Variants in WDR72 observed in about 807,000 individuals in gnomAD.
WDR72 encodes the protein WD repeat-containing protein 72.
WDR72 carries 120 observed loss-of-function variants against 124.2 expected under a neutral mutation model. The ratio of observed to expected loss-of-function variants is 0.97; its 90% CI spans 0.83 to 1.12. The LOEUF is 1.12. WDR72 is among the 50% of genes most tolerant of loss of function. The probability of loss-of-function intolerance (pLI) is 0.00; values close to 1 mark genes in which losing one functional copy is unlikely to be tolerated. For synonymous variants in WDR72, 452 were observed against 441.7 expected (o/e 1.02, Z -0.29); for missense variants, 1,387 against 1,278.8 (o/e 1.08, Z -1.29).
intron 13 of WDR72, among the ~76,000 whole-genome samples, chr15:53,698,750 T>C (rs2017080988): frequency 6.6e-6 from 1 of 152,190 alleles, no homozygotes; most frequent in African/African-American, 2.4e-5. Context: ...CACCACTTAT[T>C]AGTTGTACAG....
chr15:53,593,735 C>G (rs1358456858), intron 18 of WDR72, among the ~76,000 whole-genome samples: 1 of 151,208 alleles, frequency 6.6e-6, no homozygotes, highest in Non-Finnish European at 1.5e-5. Context: ...GCACTCTAGC[C>G]TGGGTGACAG....
At chr15:53,606,981 T>A (rs2013313628) in intron 17 of WDR72, among the ~76,000 whole-genome samples, 1 of 152,234 alleles carries the variant, frequency 6.6e-6, no homozygotes, top group African/African-American at 2.4e-5. Flanking sequence ...ACGAGTTAAC[T>A]TTGTTTCCCT....
intron 18 of WDR72, among the ~76,000 whole-genome samples, chr15:53,585,589 CGTCT>C (rs1186316203): frequency 2.0e-5 from 3 of 151,954 alleles, no homozygotes; most frequent in African/African-American, 7.2e-5. Flanking sequence ...ATTTGTCTAC[CGTCT>C]GTCTATTTCA....
intron 18 of WDR72, among the ~76,000 whole-genome samples, chr15:53,526,956 C>T (rs747298038): frequency 6.6e-6 from 1 of 152,008 alleles, no homozygotes; most frequent in African/African-American, 2.4e-5. Context: ...AAAATATTGA[C>T]GACTGAAGGG....
At chr15:53,660,421 C>T (rs1196720246) in intron 14 of WDR72, among the ~76,000 whole-genome samples, 1 of 151,962 alleles carries the variant, frequency 6.6e-6, no homozygotes, top group African/African-American at 2.4e-5. Context: ...AAAGAACTAA[C>T]TTTCATTCTC....
chr15:53,559,193 T>C (rs986955404), intron 18 of WDR72, among the ~76,000 whole-genome samples: 3 of 151,798 alleles, frequency 2.0e-5, no homozygotes, highest in African/African-American at 7.3e-5. Context: ...TTGGGAAACA[T>C]GGATTTTGCT....
intron 1 of WDR72, among the ~76,000 whole-genome samples, chr15:53,742,866 G>A (rs933075812): frequency 2.4e-4 from 37 of 152,144 alleles, no homozygotes; most frequent in Middle Eastern, 3.4e-3. Context: ...ATTGCATTTT[G>A]TAACATATAA....
At position 53,722,821 on chromosome 15, in the gene WDR72, C is replaced by A. The variant is rs778585892; in HGVS notation, c.241G>T (p.Val81Phe). The A allele has an allele frequency of 1.2e-6, 2 of 1,613,170 alleles. No homozygotes were observed. Among genetic ancestry groups the A allele is most frequent in the Admixed American group, 1.7e-5 (1 of 59,990 alleles). ...ARDFSKQPYI[V>F]SAAENGEMCV... is the part of the protein sequence containing the mutation. ...ACCTACCCATTTTCAGCAGCACTAA[C>A]AATGTAGGGCTGTTTAGAGAAGTCC... is the stretch of plus-strand genomic sequence containing the variant. The change falls in exon 3 of 20, where the codon GTT becomes TTT. Residue 81 changes from valine (V) to phenylalanine (F), a missense_variant. Coordinates refer to ENST00000360509, the MANE Select transcript of WDR72 (RefSeq NM_182758.4).
At chr15:53,591,400 A>T (rs1374446704) in intron 18 of WDR72, among the ~76,000 whole-genome samples, 2 of 152,066 alleles carry the variant, frequency 1.3e-5, no homozygotes, top group Non-Finnish European at 2.9e-5. Context: ...TGTACAAAAT[A>T]GCATATCAAA....
rs769653183 is a variant in WDR72 at position 53,699,816 on chromosome 15, G to T, written c.1699C>A (p.Pro567Thr). Residue 567 changes from proline (P) to threonine (T), a missense_variant, in exon 13 of 20, where the codon CCG becomes ACG. Pro to Thr is a conservative substitution (Grantham distance 38). Coordinates refer to ENST00000360509, the MANE Select transcript of WDR72 (RefSeq NM_182758.4). The stretch of plus-strand genomic sequence containing the variant: ...CCAACAATTAAAAAATTCTCAACCG[G>T]GTGCCATTTTATCATCCTCACAGGA... Reference protein sequence around the residue: ...LFPVRMIKWHPVENFLIVGCA... With the variant: ...LFPVRMIKWHTVENFLIVGCA... The T allele has an allele frequency of 3.7e-6, 6 of 1,613,830 alleles. No homozygotes were observed. Among genetic ancestry groups the T allele is most frequent in the African/African-American group, 1.3e-5 (1 of 74,854 alleles).
At chr15:53,706,373 T>TATATATATATATATAC (rs59968814) in intron 9 of WDR72, among the ~76,000 whole-genome samples, 798 of 67,300 alleles carry the variant, frequency 0.012, 17 homozygotes, top group African/African-American at 0.046. Flanking sequence ...TATATATATA[T>TATATATATATATATAC]ATATATATAT....
chr15:53,750,701 T>C (rs1463032667), intron 1 of WDR72, among the ~76,000 whole-genome samples: 1 of 152,130 alleles, frequency 6.6e-6, no homozygotes, highest in Non-Finnish European at 1.5e-5. Flanking sequence ...TAGCAGGAAG[T>C]CAAAATATCA....
chr15:53,630,666 T>A (rs2014390761), intron 14 of WDR72, among the ~76,000 whole-genome samples: 1 of 152,096 alleles, frequency 6.6e-6, no homozygotes, highest in Non-Finnish European at 1.5e-5. Context: ...CACAATTTCA[T>A]AATAAAAAAC....
intron 13 of WDR72, among the ~76,000 whole-genome samples, chr15:53,699,463 G>A (rs2017099795): frequency 1.3e-5 from 2 of 152,274 alleles, no homozygotes; most frequent in South Asian, 2.1e-4. Context: ...TTTCTCTCTT[G>A]TTAATAATTA....
At chr15:53,687,106 G>A (rs1266078183) in intron 13 of WDR72, among the ~76,000 whole-genome samples, 1 of 149,874 alleles carries the variant, frequency 6.7e-6, no homozygotes, top group Non-Finnish European at 1.5e-5. Context: ...ACAAGAGAAA[G>A]CAGGAAAGAT....
chr15:53,704,926 A>G, intron 11 of WDR72, 62 bp downstream of exon 11: 3 of 1,589,746 alleles, frequency 1.9e-6, no homozygotes, highest in Admixed American at 3.4e-5. Context: ...TGTTTAGTGC[A>G]GTCTGTTGAA....
At chr15:53,532,771 G>C (rs1892554080) in intron 18 of WDR72, among the ~76,000 whole-genome samples, 1 of 151,970 alleles carries the variant, frequency 6.6e-6, no homozygotes, top group African/African-American at 2.4e-5. Flanking sequence ...ATAACAAAAA[G>C]AGTGGAATTG....
At position 53,531,379 on chromosome 15, in the gene WDR72, G is replaced by C. The variant is rs1892457608; in HGVS notation, c.3149-8057C>G. Reference sequence around the variant, plus strand: ...AAGACATAGAAAGCATAGGTGGTCTGTTGGCATCAGCTGGTTCTTACTGTC... The same window carrying C: ...AAGACATAGAAAGCATAGGTGGTCTCTTGGCATCAGCTGGTTCTTACTGTC... On this transcript the variant is annotated intron_variant, in intron 18 of 19. Coordinates refer to ENST00000360509, the MANE Select transcript of WDR72 (RefSeq NM_182758.4). Among the ~76,000 whole-genome samples the C allele has an allele frequency of 1.3e-5, 2 of 152,076 alleles. 1 individual carries two copies. Among genetic ancestry groups the C allele is most frequent in the South Asian group, 4.1e-4 (2 of 4,830 alleles).
chr15:53,560,155 A>T (rs1894077265), intron 18 of WDR72, among the ~76,000 whole-genome samples: 1 of 151,936 alleles, frequency 6.6e-6, no homozygotes, highest in Non-Finnish European at 1.5e-5. Flanking sequence ...TAGCTAGATG[A>T]TGAAAAGCTG....
Sources: allele counts gnomAD v4.1 joint callset (sites outside exome capture counted in the v4.1 genomes callset), GRCh38; gene constraint gnomAD v4.1.1; transcripts MANE v1.5; gene names NCBI Gene and HGNC (gene_info 2026-07-23, HGNC 2026-07-21).